Variants in NUDT3 observed in about 807,000 individuals in gnomAD.
NUDT3 encodes diphosphoinositol polyphosphate phosphohydrolase 1.
A neutral mutation model predicts 23.6 loss-of-function variants in NUDT3; 9 were observed. That is an observed-to-expected ratio of 0.38 (90% CI 0.23 to 0.66). NUDT3 has a LOEUF of 0.66. NUDT3 is among the 30% of genes least tolerant of loss of function. NUDT3 has a pLI of 0.52. For missense variants in NUDT3, 172 were observed against 218.5 expected, an observed-to-expected ratio of 0.79 and a Z score of 1.34; for synonymous variants, 86 against 82.6, an observed-to-expected ratio of 1.04 and a Z score of -0.22.
At chr6:34,351,226 A>AC (rs1554154785) in intron 1 of NUDT3, among the ~76,000 whole-genome samples, 24 of 134,072 alleles carry the variant, frequency 1.8e-4, no homozygotes, top group Non-Finnish European at 2.8e-4. Context: ...AAAAAAAAAA[A>AC]CACTTTGGGA....
chr6:34,290,921 A>G (rs1763412546), intron 4 of NUDT3, among the ~76,000 whole-genome samples: 1 of 150,996 alleles, frequency 6.6e-6, no homozygotes, highest in South Asian at 2.1e-4. Context: ...CAGCCTCTCA[A>G]GTAGCTGGGA....
At chr6:34,382,899 G>A (rs1313133956) in intron 1 of NUDT3, among the ~76,000 whole-genome samples, 1 of 151,848 alleles carries the variant, frequency 6.6e-6, no homozygotes, top group African/African-American at 2.4e-5. Flanking sequence ...AGGCCGAGGA[G>A]GGTGGATCAC....
In NUDT3 at chr6:34,284,900, A is replaced by G. The variant is rs953234421; in HGVS notation, c.*3853T>C. ...CTTGACTATGTAGCAACACATTTAC[A>G]AAACTACTGCAAAACACTCCCAGAG... is the stretch of plus-strand genomic sequence containing the variant. On this transcript the variant is annotated 3_prime_UTR_variant, in exon 5 of 5. Coordinates refer to ENST00000607016, the MANE Select transcript of NUDT3 (RefSeq NM_006703.4). 6.6e-6 allele frequency: 1 copy of G among 152,230 alleles called. No individual in the cohort carries two copies. The highest frequency in any genetic ancestry group is 2.4e-5 in the African/African-American group (1 of 41,456). 9.4% of individuals were successfully genotyped at this position (152,230 alleles called of 1,614,324 possible).
At chr6:34,314,370 T>C (rs944529421) in intron 2 of NUDT3, among the ~76,000 whole-genome samples, 1 of 144,334 alleles carries the variant, frequency 6.9e-6, no homozygotes, top group Non-Finnish European at 1.5e-5. Flanking sequence ...CTGGTCAACA[T>C]GGCATAACCC....
At chr6:34,381,716 G>T (rs1007871920) in intron 1 of NUDT3, among the ~76,000 whole-genome samples, 2 of 152,156 alleles carry the variant, frequency 1.3e-5, no homozygotes, top group African/African-American at 4.8e-5. Context: ...AGCACATTTG[G>T]TTAATGATGG....
intron 1 of NUDT3, among the ~76,000 whole-genome samples, chr6:34,344,505 G>A (rs1368313562): frequency 6.6e-6 from 1 of 152,164 alleles, no homozygotes; most frequent in Non-Finnish European, 1.5e-5. Flanking sequence ...AGCAAATCCA[G>A]AGAAACAGAA....
chr6:34,311,357 T>C (rs1763768641), intron 2 of NUDT3, among the ~76,000 whole-genome samples: 1 of 152,114 alleles, frequency 6.6e-6, no homozygotes, highest in African/African-American at 2.4e-5. Flanking sequence ...TAAAGTGAAA[T>C]AATTAGGTAT....
intron 4 of NUDT3, 82 bp from the exon 5 acceptor site, chr6:34,289,013 A>C (rs879169537): frequency 7.0e-7 from 1 of 1,436,618 alleles, no homozygotes; most frequent in Admixed American, 3.0e-5. Context: ...TATAGAAAAC[A>C]TTAAAGCAAT....
intron 2 of NUDT3, among the ~76,000 whole-genome samples, chr6:34,313,244 AGTC>A (rs1763802902): frequency 6.6e-6 from 1 of 152,204 alleles, no homozygotes; most frequent in Non-Finnish European, 1.5e-5. Context: ...AAGTGGAAGA[AGTC>A]AATCTGAAAA....
At chr6:34,339,030 T>C (rs943026030) in intron 2 of NUDT3, among the ~76,000 whole-genome samples, 2 of 151,910 alleles carry the variant, frequency 1.3e-5, no homozygotes, top group East Asian at 1.9e-4. Flanking sequence ...GCCAAGGGAG[T>C]TGCTGTCTCT....
At chr6:34,352,498 C>T (rs187985102) in intron 1 of NUDT3, among the ~76,000 whole-genome samples, 1 of 152,286 alleles carries the variant, frequency 6.6e-6, no homozygotes, top group Admixed American at 6.5e-5. Context: ...AACAAAGCCA[C>T]AGCAACATTT....
chr6:34,375,490 C>A (rs1333674680), intron 1 of NUDT3, among the ~76,000 whole-genome samples: 2 of 152,196 alleles, frequency 1.3e-5, no homozygotes, highest in African/African-American at 4.8e-5. Context: ...ACCATTCAGC[C>A]TCCAAATGTA....
intron 1 of NUDT3, among the ~76,000 whole-genome samples, chr6:34,375,845 T>C (rs1279453713): frequency 6.6e-6 from 1 of 152,220 alleles, no homozygotes; most frequent in Non-Finnish European, 1.5e-5. Flanking sequence ...TCATCTTCAT[T>C]ATAATTGATG....
chr6:34,376,478 T>C lies in NUDT3; in HGVS notation c.99+15786A>G, dbSNP rs565206964. Among the ~76,000 whole-genome samples, 4 of 152,278 alleles carry C rather than the reference T, an allele frequency of 2.6e-5. No homozygotes were observed. In the South Asian group the frequency reaches 6.2e-4, roughly 24 times the overall value. On this transcript the variant is annotated intron_variant, in intron 1 of 4. Coordinates refer to ENST00000607016, the MANE Select transcript of NUDT3 (RefSeq NM_006703.4). Reference sequence around the variant, plus strand: ...TTTTTGTAGAGATGGGGTCTCCCTATGTTACTCAGGTTGGTCTTGAACTCC... The same window carrying C: ...TTTTTGTAGAGATGGGGTCTCCCTACGTTACTCAGGTTGGTCTTGAACTCC...
At chr6:34,332,108 A>G (rs1581870963) in intron 2 of NUDT3, among the ~76,000 whole-genome samples, 1 of 151,006 alleles carries the variant, frequency 6.6e-6, no homozygotes, top group Non-Finnish European at 1.5e-5. Flanking sequence ...CTGTTCTCAA[A>G]CTCCTAACCT....
intron 2 of NUDT3, among the ~76,000 whole-genome samples, chr6:34,318,368 C>G (rs1181806177): frequency 1.3e-5 from 2 of 152,150 alleles, no homozygotes; most frequent in Non-Finnish European, 2.9e-5. Flanking sequence ...CCAATTCCTT[C>G]CCCAGAGGTA....
intron 1 of NUDT3, among the ~76,000 whole-genome samples, chr6:34,390,264 A>G (rs1255059725): frequency 2.6e-5 from 4 of 151,654 alleles, no homozygotes; most frequent in Non-Finnish European, 4.4e-5. Flanking sequence ...ACTGCACTCC[A>G]GCCTGGGCGA....
At chr6:34,299,274 T>C (rs934206353) in intron 2 of NUDT3, among the ~76,000 whole-genome samples, 1 of 152,186 alleles carries the variant, frequency 6.6e-6, no homozygotes, top group Non-Finnish European at 1.5e-5. Context: ...TTTTGCAAAA[T>C]TATACGAAAG....
chr6:34,363,148 T>C (rs1380580503), intron 1 of NUDT3, among the ~76,000 whole-genome samples: 2 of 152,168 alleles, frequency 1.3e-5, no homozygotes, highest in Non-Finnish European at 2.9e-5. Context: ...CTTTGCTGGG[T>C]AACCAAAAGC....
Sources: allele counts gnomAD v4.1 joint callset (sites outside exome capture counted in the v4.1 genomes callset), GRCh38; gene constraint gnomAD v4.1.1; transcripts MANE v1.5; gene names NCBI Gene and HGNC (gene_info 2026-07-23, HGNC 2026-07-21).